The following USP37 variants were observed in gnomAD, a reference collection of about 807,000 sequenced individuals.
USP37 encodes ubiquitin specific peptidase 37.
A neutral mutation model predicts 124.0 loss-of-function variants in USP37; 27 were observed. The observed-to-expected ratio is 0.22, with a 90% CI of 0.16 to 0.30. The LOEUF is 0.30. Among genes scored for constraint, USP37 ranks in the 10% least tolerant of loss-of-function variants. The probability of loss-of-function intolerance (pLI) is 1.00; values close to 1 mark genes in which losing one functional copy is unlikely to be tolerated. For synonymous variants in USP37, 365 were observed against 388.0 expected, an observed-to-expected ratio of 0.94 and a Z score of 0.70; for missense variants, 889 against 1,140.4, an observed-to-expected ratio of 0.78 and a Z score of 3.17.
intron 20 of USP37, among the ~76,000 whole-genome samples, chr2:218,474,045 A>G (rs1690836530): frequency 6.6e-6 from 1 of 152,222 alleles, no homozygotes; most frequent in African/African-American, 2.4e-5. Flanking sequence ...AAAGCAATGC[A>G]TTGTGCAGGG....
At chr2:218,468,720 C>T (rs2106413550) in intron 20 of USP37, among the ~76,000 whole-genome samples, 1 of 152,112 alleles carries the variant, frequency 6.6e-6, no homozygotes, top group Admixed American at 6.6e-5. Context: ...TTGAGACCGA[C>T]TCTCACTCTG....
chr2:218,469,938 A>C (rs1690581763), intron 20 of USP37, among the ~76,000 whole-genome samples: 1 of 148,318 alleles, frequency 6.7e-6, no homozygotes, highest in African/African-American at 2.5e-5. Context: ...CTCCTGCCTC[A>C]GCCTCCCAAG....
chr2:218,562,321 C>CA (rs1458457097), intron 2 of USP37, among the ~76,000 whole-genome samples: 1 of 151,736 alleles, frequency 6.6e-6, no homozygotes, highest in African/African-American at 2.4e-5. Flanking sequence ...CTTATTAAAG[C>CA]AAAAAAATAA....
At chr2:218,500,282 C>T (rs1160291063) in intron 11 of USP37, among the ~76,000 whole-genome samples, 1 of 151,690 alleles carries the variant, frequency 6.6e-6, no homozygotes, top group East Asian at 1.9e-4. Flanking sequence ...TATTTTGAGA[C>T]GGAGCCTTGC....
At chr2:218,466,780 G>T (rs1164201904) in intron 20 of USP37, among the ~76,000 whole-genome samples, 1 of 151,980 alleles carries the variant, frequency 6.6e-6, no homozygotes, top group African/African-American at 2.4e-5. Flanking sequence ...TCTCACCCAG[G>T]CTGGAGTCCA....
chr2:218,534,540 G>A (rs543815053), intron 9 of USP37, 69 bp downstream of exon 9: 4 of 894,680 alleles, frequency 4.5e-6, no homozygotes, highest in Non-Finnish European at 4.7e-6. Context: ...GATGGGTTAG[G>A]TTTTTATTTC....
chr2:218,500,980 A>T (rs1689347829), intron 11 of USP37: 1 of 165,588 alleles, frequency 6.0e-6, no homozygotes, highest in Non-Finnish European at 1.5e-5. Context: ...AGATCAGCCA[A>T]ATCAACCCTG....
chr2:218,515,275 C>T (rs1690214994), intron 10 of USP37, among the ~76,000 whole-genome samples: 1 of 152,002 alleles, frequency 6.6e-6, no homozygotes, highest in African/African-American at 2.4e-5. Flanking sequence ...CTGGAGGCAT[C>T]ACGCTACCTG....
intron 2 of USP37, among the ~76,000 whole-genome samples, chr2:218,561,823 C>G (rs1693328823): frequency 6.6e-6 from 1 of 152,134 alleles, no homozygotes. Flanking sequence ...AGGACTCAGG[C>G]CCTGCTTACC....
In USP37 at chr2:218,465,001, G is replaced by T. The variant is rs1400987088; in HGVS notation, c.2466+1009C>A. On this transcript the variant is annotated intron_variant, in intron 21 of 25. Transcript: ENST00000258399. ...AGGCCTAGGCAGGAGAATTGCTTGA[G>T]CTCAGAGTTTGAGGCTGCAGTGAGG... Among the ~76,000 whole-genome samples, 4 of 152,156 alleles carry T rather than the reference G, an allele frequency of 2.6e-5. No homozygotes were observed. In the East Asian group the frequency reaches 5.8e-4, roughly 22 times the overall value.
chr2:218,555,190 T>C (rs1199293661), intron 4 of USP37, among the ~76,000 whole-genome samples: 1 of 152,236 alleles, frequency 6.6e-6, no homozygotes, highest in Non-Finnish European at 1.5e-5. Flanking sequence ...CCTTATTCTC[T>C]AATGTTCTCA....
At chr2:218,557,810 A>G (rs1368718807) in intron 4 of USP37, among the ~76,000 whole-genome samples, 1 of 146,584 alleles carries the variant, frequency 6.8e-6, no homozygotes, top group Non-Finnish European at 1.5e-5. Context: ...GCACACCTGT[A>G]ATCCCAGCTA....
At position 218,451,701 on chromosome 2, in the gene USP37, T is replaced by C. The variant is rs1028647859; in HGVS notation, c.*3229A>G. 6.6e-6 allele frequency: 1 copy of C among 152,342 alleles called. No homozygotes were observed. The highest frequency in any genetic ancestry group is 2.4e-5 in the African/African-American group (1 of 41,458). The allele number at this position is 152,342 out of a possible 1,614,324, so 9.4% of individuals were successfully genotyped here. On this transcript the variant is annotated 3_prime_UTR_variant, in exon 26 of 26. Transcript: ENST00000258399. ...AAGCCTCTGTTTCAGAATTTTATACTTGATCAAGGAGAAAAATAAATGTGT... is the reference window on the plus strand; with the variant it reads ...AAGCCTCTGTTTCAGAATTTTATACCTGATCAAGGAGAAAAATAAATGTGT...
At chr2:218,561,784 AACTC>A (rs1322155226) in intron 2 of USP37, among the ~76,000 whole-genome samples, 3 of 152,142 alleles carry the variant, frequency 2.0e-5, no homozygotes, top group Non-Finnish European at 2.9e-5. Context: ...ATAAAATCTA[AACTC>A]ACTAATGTGA....
At chr2:218,459,181 C>T (rs1200212924) in intron 23 of USP37, among the ~76,000 whole-genome samples, 6 of 151,890 alleles carry the variant, frequency 4.0e-5, no homozygotes, top group East Asian at 1.9e-4. Flanking sequence ...AAAGATGATA[C>T]AGTTATTCAG....
chr2:218,464,424 G>A (rs1327926799), intron 21 of USP37, among the ~76,000 whole-genome samples: 1 of 151,986 alleles, frequency 6.6e-6, no homozygotes, highest in Non-Finnish European at 1.5e-5. Context: ...TTTTAGCAGA[G>A]ACAGAGTGTC....
At position 218,534,634 on chromosome 2, in the gene USP37, T is replaced by C; in HGVS notation, c.753A>G (p.Lys251=). The C allele has an allele frequency of 1.9e-6, 3 of 1,610,238 alleles. No homozygotes were observed. Among genetic ancestry groups the C allele is most frequent in the Non-Finnish European group, 2.5e-6 (3 of 1,178,154 alleles). Residue 251 remains lysine, a synonymous_variant, in exon 9 of 26, where the codon AAA becomes AAG. Coordinates refer to ENST00000258399, the MANE Select transcript of USP37 (RefSeq NM_020935.3). ...TSSREKQLSL[K]QSEENRTSGL... ...CTGATGTCCTATTCTCTTCTGACTG[T>C]TTCAAACTCAGCTGCTTTTCTCTAC...
intron 13 of USP37, among the ~76,000 whole-genome samples, chr2:218,496,760 T>C (rs1689103305): frequency 6.6e-6 from 1 of 151,986 alleles, no homozygotes; most frequent in African/African-American, 2.4e-5. Context: ...CCGATTATCC[T>C]GCATCAGCCT....
chr2:218,567,923 C>T (rs1251838832), intron 1 of USP37, among the ~76,000 whole-genome samples: 1 of 152,102 alleles, frequency 6.6e-6, no homozygotes, highest in East Asian at 1.9e-4. Flanking sequence ...ACAACAGCCC[C>T]AGAGAAAAGG....
Sources: gnomAD v4.1 joint callset for allele counts (sites outside exome capture counted in the v4.1 genomes callset) on GRCh38, gnomAD v4.1.1 for gene constraint, MANE v1.5 for transcripts, NCBI Gene and HGNC (gene_info 2026-07-23, HGNC 2026-07-21) for gene names.